Variants in ASPRV1 observed in about 807,000 individuals in gnomAD.
The protein encoded by ASPRV1 is aspartic peptidase retroviral like 1.
Under a neutral mutation model 11.0 loss-of-function variants are expected in ASPRV1, and 7 were observed. That is an observed-to-expected ratio of 0.64 (90% CI 0.36 to 1.20). The LOEUF (loss-of-function observed/expected upper bound fraction) is 1.20, where lower values mean the gene tolerates loss of function less well. Ranked by LOEUF, ASPRV1 falls within the 50% of genes most tolerant of loss-of-function variation. The pLI is 0.02. For synonymous variants in ASPRV1, 136 were observed against 138.4 expected (o/e 0.98, Z 0.12); for missense variants, 299 against 320.0 (o/e 0.93, Z 0.50).
chr2:70,022,434 C>G, the ASPRV1 span, among the ~76,000 whole-genome samples: 14 of 151,144 alleles, frequency 9.3e-5, no homozygotes, highest in Non-Finnish European at 4.4e-5. Context: ...GCCTGTAATC[C>G]CAGCACTTTG....
chr2:70,037,462 G>A, the ASPRV1 span, among the ~76,000 whole-genome samples: 12 of 152,218 alleles, frequency 7.9e-5, no homozygotes, highest in South Asian at 2.5e-3. Flanking sequence ...CTACTGCTGG[G>A]ACTACAGGTG....
At chr2:70,035,974 A>G in the ASPRV1 span, among the ~76,000 whole-genome samples, 5 of 151,768 alleles carry the variant, frequency 3.3e-5, no homozygotes, top group African/African-American at 1.2e-4. Context: ...TTTCAAAGAA[A>G]TGAAGCCAGA....
chr2:70,034,852 G>A, the ASPRV1 span: 3 of 152,412 alleles, frequency 2.0e-5, no homozygotes, highest in Admixed American at 1.3e-4. Context: ...TGGGCTTTGA[G>A]TTGGTGTGCT....
the ASPRV1 span, chr2:70,086,956 C>G: frequency 1.3e-5 from 2 of 152,340 alleles, no homozygotes; most frequent in African/African-American, 4.8e-5. Flanking sequence ...CGAAAGGGCC[C>G]CACGTGCCCG....
the ASPRV1 span, among the ~76,000 whole-genome samples, chr2:70,076,631 C>T: frequency 6.6e-6 from 1 of 152,198 alleles, no homozygotes; most frequent in African/African-American, 2.4e-5. Flanking sequence ...ACTTAGCCTA[C>T]CAAACATCAT....
At chr2:70,086,568 C>G in the ASPRV1 span, 19 of 152,256 alleles carry the variant, frequency 1.2e-4, no homozygotes, top group African/African-American at 4.1e-4. Flanking sequence ...GAAAAGCAGC[C>G]GCGGGAGCCC....
the ASPRV1 span, among the ~76,000 whole-genome samples, chr2:70,016,651 T>C: frequency 6.6e-6 from 1 of 151,990 alleles, no homozygotes; most frequent in Non-Finnish European, 1.5e-5. Context: ...TGAGAGCAGC[T>C]TGGCCAACAT....
chr2:69,964,954 G>C (rs951689839), upstream of ASPRV1, among the ~76,000 whole-genome samples: 5 of 152,098 alleles, frequency 3.3e-5, no homozygotes, highest in African/African-American at 7.3e-5. Flanking sequence ...ACAAGCCCAA[G>C]ACTGGGCCCA....
At chr2:70,017,409 C>T in the ASPRV1 span, among the ~76,000 whole-genome samples, 5 of 152,280 alleles carry the variant, frequency 3.3e-5, no homozygotes, top group South Asian at 4.1e-4. Flanking sequence ...GGGTCATGTA[C>T]GATAAGCCCA....
the ASPRV1 span, chr2:69,937,218 A>G: frequency 1.2e-6 from 2 of 1,611,684 alleles, no homozygotes; most frequent in Non-Finnish European, 8.5e-7. Context: ...CCCAACAACT[A>G]CCCCTTTGAC....
chr2:70,045,972 A>G, the ASPRV1 span: 1 of 152,178 alleles, frequency 6.6e-6, no homozygotes, highest in Non-Finnish European at 1.5e-5. Context: ...AAGCTCTCCT[A>G]AAGGACAGGA....
chr2:70,058,534 G>T, the ASPRV1 span, among the ~76,000 whole-genome samples: 1 of 151,504 alleles, frequency 6.6e-6, no homozygotes, highest in African/African-American at 2.4e-5. Flanking sequence ...AAACCACCAC[G>T]CCTTTACTCT....
the ASPRV1 span, among the ~76,000 whole-genome samples, chr2:69,945,070 G>C: frequency 6.6e-6 from 1 of 152,118 alleles, no homozygotes; most frequent in Non-Finnish European, 1.5e-5. Context: ...GACTATGGAA[G>C]GCCCATTGCC....
At chr2:69,940,975 A>C in the ASPRV1 span, 2 of 152,512 alleles carry the variant, frequency 1.3e-5, no homozygotes, top group Non-Finnish European at 2.9e-5. Context: ...TAGTCTTTTT[A>C]GTTGTTTTGT....
chr2:70,008,528 A>C, the ASPRV1 span, among the ~76,000 whole-genome samples: 1 of 151,972 alleles, frequency 6.6e-6, no homozygotes, highest in Non-Finnish European at 1.5e-5. Flanking sequence ...GCCTAGTCCA[A>C]CCTTGTCCAA....
the ASPRV1 span, among the ~76,000 whole-genome samples, chr2:70,083,145 G>C: frequency 6.6e-6 from 1 of 152,148 alleles, no homozygotes; most frequent in Non-Finnish European, 1.5e-5. Context: ...ATAGTAACTG[G>C]CTAGAAAGCC....
chr2:70,072,753 CA>C, the ASPRV1 span, among the ~76,000 whole-genome samples: 1 of 150,446 alleles, frequency 6.6e-6, no homozygotes, highest in Admixed American at 6.6e-5. Context: ...AAAATAAAAA[CA>C]AAAATAATAA....
chr2:69,961,709 C>A (rs746981028), upstream of ASPRV1: 2 of 1,522,708 alleles, frequency 1.3e-6, no homozygotes, highest in Non-Finnish European at 1.8e-6. Flanking sequence ...TCTGGAAGCT[C>A]CGCCCCTCCT....
the ASPRV1 span, among the ~76,000 whole-genome samples, chr2:70,036,785 A>C: frequency 6.6e-6 from 1 of 152,104 alleles, no homozygotes; most frequent in Non-Finnish European, 1.5e-5. Context: ...CTCCCACCTC[A>C]GCCTCCCAAA....
Sources: gnomAD v4.1 joint callset for allele counts (sites outside exome capture counted in the v4.1 genomes callset) on GRCh38, gnomAD v4.1.1 for gene constraint, MANE v1.5 for transcripts, NCBI Gene and HGNC (gene_info 2026-07-23, HGNC 2026-07-21) for gene names.